LVRN: variants seen among roughly 807,000 people sequenced by gnomAD.
The protein encoded by LVRN is aminopeptidase Q.
LVRN carries 99 observed loss-of-function variants against 111.4 expected under a neutral mutation model. That is an observed-to-expected ratio of 0.89 (90% CI 0.76 to 1.05). The LOEUF is 1.05. LVRN is among the 50% of genes least tolerant of loss of function. LVRN has a pLI of 0.00. For missense variants in LVRN, 1,414 were observed against 1,206.8 expected (o/e 1.17, Z -2.54); for synonymous variants, 488 against 449.5 (o/e 1.09, Z -1.08).
chr5:116,002,409 T>G (rs553941406), intron 10 of LVRN, among the ~76,000 whole-genome samples: 1 of 152,234 alleles, frequency 6.6e-6, no homozygotes, highest in South Asian at 2.1e-4. Flanking sequence ...GGAGAATGCT[T>G]GAGGCTGAAA....
At chr5:115,981,945 A>T (rs1753568006) in intron 1 of LVRN, among the ~76,000 whole-genome samples, 1 of 152,166 alleles carries the variant, frequency 6.6e-6, no homozygotes, top group Non-Finnish European at 1.5e-5. Context: ...AAATAGTGTC[A>T]TTATTTTCTA....
At chr5:115,974,980 C>A in intron 1 of LVRN, 2 of 400,570 alleles carry the variant, frequency 5.0e-6, no homozygotes, top group South Asian at 2.1e-5. Flanking sequence ...TGAAGATAAT[C>A]ACTTTGTCTC....
At chr5:116,008,256 A>G (rs763233214) in intron 13 of LVRN, among the ~76,000 whole-genome samples, 27 of 152,152 alleles carry the variant, frequency 1.8e-4, no homozygotes, top group Non-Finnish European at 3.2e-4. Flanking sequence ...AGGCAGGAGA[A>G]TGGCATGAAC....
intron 12 of LVRN, among the ~76,000 whole-genome samples, chr5:116,003,963 C>T (rs1748300680): frequency 6.6e-6 from 1 of 152,134 alleles, no homozygotes; most frequent in African/African-American, 2.4e-5. Flanking sequence ...TTCCTATTAA[C>T]CATTAGTTTT....
intron 7 of LVRN, among the ~76,000 whole-genome samples, chr5:116,000,114 C>G (rs1039562205): frequency 2.0e-5 from 3 of 152,160 alleles, no homozygotes; most frequent in African/African-American, 4.8e-5. Flanking sequence ...GGTCCATCAA[C>G]CATAGACTTT....
chr5:116,007,517 C>T (rs1309015371), intron 13 of LVRN, among the ~76,000 whole-genome samples: 1 of 152,166 alleles, frequency 6.6e-6, no homozygotes, highest in Non-Finnish European at 1.5e-5. Flanking sequence ...TATCTTATCC[C>T]TGACTTTTAT....
chr5:115,966,559 G>C (rs1389305857), intron 1 of LVRN, among the ~76,000 whole-genome samples: 2 of 152,146 alleles, frequency 1.3e-5, no homozygotes, highest in African/African-American at 2.4e-5. Context: ...TGTTGCCCAG[G>C]CTAGCCTCAT....
intron 19 of LVRN, among the ~76,000 whole-genome samples, chr5:116,025,165 A>C (rs1404762028): frequency 1.3e-5 from 2 of 152,166 alleles, no homozygotes; most frequent in Non-Finnish European, 2.9e-5. Context: ...AAGGGAAGGA[A>C]AGAGTGGGGG....
At chr5:116,022,296 AGG>A in intron 18 of LVRN, 93 bp from the exon 19 acceptor site, 1 of 778,272 alleles carries the variant, frequency 1.3e-6, no homozygotes, top group African/African-American at 1.8e-5. Context: ...AGGAATTAAT[AGG>A]GGCCATACAC....
At chr5:116,010,038 T>A (rs1748453416) in intron 13 of LVRN, among the ~76,000 whole-genome samples, 1 of 152,224 alleles carries the variant, frequency 6.6e-6, no homozygotes, top group Non-Finnish European at 1.5e-5. Flanking sequence ...ACTTTATTGT[T>A]GCTTATTTTA....
rs533001986 is a variant in LVRN, at chr5:115,994,304, G to A, written c.1374+450G>A. 5.7e-4 allele frequency among the ~76,000 whole-genome samples: 87 copies of A among 152,046 alleles called. No individual in the cohort carries two copies. The Middle Eastern group carries it at 0.02, about 36-fold the overall frequency. ...TCACCTAGGCTGGAGACATGGTCTCGCTCTGTCACCCAAACTGGAGTGTGG... is the reference window on the plus strand; with the variant it reads ...TCACCTAGGCTGGAGACATGGTCTCACTCTGTCACCCAAACTGGAGTGTGG... On this transcript the variant is annotated intron_variant, in intron 6 of 19. Coordinates refer to ENST00000357872, the MANE Select transcript of LVRN (RefSeq NM_173800.5).
At chr5:116,000,749 C>A (rs1259472807) in intron 9 of LVRN, 91 bp downstream of exon 9, 1 of 1,359,730 alleles carries the variant, frequency 7.4e-7, no homozygotes. Context: ...GGCAGTTCCA[C>A]AGGAAAACAG....
At chr5:116,009,412 A>G (rs1052531137) in intron 13 of LVRN, among the ~76,000 whole-genome samples, 6 of 152,144 alleles carry the variant, frequency 3.9e-5, no homozygotes, top group African/African-American at 1.4e-4. Flanking sequence ...TCAAGGAGTA[A>G]TTTCTGCTTT....
intron 17 of LVRN, 90 bp downstream of exon 17, chr5:116,015,509 A>T: frequency 6.8e-7 from 1 of 1,473,866 alleles, no homozygotes; most frequent in Non-Finnish European, 9.0e-7. Flanking sequence ...TGTAAGTATT[A>T]AAACGTTGCG....
chr5:115,994,980 C>T (rs530114831), intron 6 of LVRN, among the ~76,000 whole-genome samples: 1 of 152,294 alleles, frequency 6.6e-6, no homozygotes, highest in Admixed American at 6.5e-5. Context: ...TCCTGCCTCT[C>T]TTTGCTGGTC....
intron 4 of LVRN, 66 bp from the exon 5 acceptor site, chr5:115,992,057 A>G (rs1257979658): frequency 6.9e-7 from 1 of 1,449,564 alleles, no homozygotes; most frequent in Non-Finnish European, 9.4e-7. Flanking sequence ...TCATTTTGAG[A>G]TATTTAAAAA....
chr5:115,963,018 C>G lies in LVRN; in HGVS notation c.401C>G (p.Thr134Arg), dbSNP rs1371261789. The change falls in exon 1 of 20, where the codon ACG becomes AGG. Residue 134 changes from threonine (T) to arginine (R), a missense_variant. Transcript: ENST00000357872. ...SLPFTGRVNI[T>R]VRCTVATSRL... Reference sequence around the variant, plus strand: ...CCCTTCACTGGCCGCGTGAACATCACGGTGCGCTGCACGGTGGCCACCTCT... The same window carrying G: ...CCCTTCACTGGCCGCGTGAACATCAGGGTGCGCTGCACGGTGGCCACCTCT... The G allele has an allele frequency of 3.1e-6, 5 of 1,613,644 alleles. No homozygotes were observed. In the South Asian group the frequency reaches 5.5e-5, roughly 18 times the overall value.
At chr5:115,965,818 T>C (rs1274360999) in intron 1 of LVRN, among the ~76,000 whole-genome samples, 1 of 152,184 alleles carries the variant, frequency 6.6e-6, no homozygotes, top group Non-Finnish European at 1.5e-5. Flanking sequence ...TCTCCTGCCA[T>C]GACTATAAGT....
At chr5:115,980,004 C>T (rs10519434) in intron 1 of LVRN, among the ~76,000 whole-genome samples, 12,586 of 152,132 alleles carry the variant, frequency 0.083, 681 homozygotes, top group East Asian at 0.21. Flanking sequence ...CCATGATCCA[C>T]TTCCAGCACA....
Sources: gnomAD v4.1 joint callset for allele counts (sites outside exome capture counted in the v4.1 genomes callset) on GRCh38, gnomAD v4.1.1 for gene constraint, MANE v1.5 for transcripts, NCBI Gene and HGNC (gene_info 2026-07-23, HGNC 2026-07-21) for gene names.